Variants in LIMK1 observed in about 807,000 individuals in gnomAD.
LIMK1 encodes LIM domain kinase 1, also known as LIM motif-containing protein kinase.
A neutral mutation model predicts 77.6 loss-of-function variants in LIMK1; 21 were observed. The observed-to-expected ratio is 0.27, with a 90% CI of 0.19 to 0.39. LIMK1 has a LOEUF of 0.39. Ranked by LOEUF, LIMK1 falls within the 10% of genes least tolerant of loss-of-function variation. The pLI is 1.00. For synonymous variants in LIMK1, 358 were observed against 370.0 expected (o/e 0.97, Z 0.37); for missense variants, 696 against 901.6 (o/e 0.77, Z 2.92).
Position 74,107,193 on chromosome 7 carries a change from G to A in LIMK1, c.1065G>A (p.Lys355=), listed in dbSNP as rs1554697807. The A allele has an allele frequency of 6.2e-7, 1 of 1,606,264 alleles. No individual in the cohort carries two copies. Among genetic ancestry groups the A allele is most frequent in the African/African-American group, 1.3e-5 (1 of 75,016 alleles). Residue 355 remains lysine, a splice_region_variant and synonymous_variant, in exon 8 of 16, where the codon AAG becomes AAA. Transcript: ENST00000336180. ...LGKGCFGQAI[K]VTHRETGEVM... ...AGGGCTGCTTCGGCCAGGCTATCAAGGTACAGAGCATGCCAGGGTCTCAGG... is the reference window on the plus strand; with the variant it reads ...AGGGCTGCTTCGGCCAGGCTATCAAAGTACAGAGCATGCCAGGGTCTCAGG...
At position 74,121,430 on chromosome 7, in the gene LIMK1, T is replaced by G. The variant is rs569869651; in HGVS notation, c.*129T>G. ...TTCTCCTCAGAGCCAGGCCCTGACTTGCCTTCTCCCACCCCGTGGACCGCT... is the reference window on the plus strand; with the variant it reads ...TTCTCCTCAGAGCCAGGCCCTGACTGGCCTTCTCCCACCCCGTGGACCGCT... On this transcript the variant is annotated 3_prime_UTR_variant, in exon 16 of 16. Coordinates refer to ENST00000336180, the MANE Select transcript of LIMK1 (RefSeq NM_002314.4). 3 of 979,908 alleles carry G rather than the reference T, an allele frequency of 3.1e-6. No individual in the cohort carries two copies. The highest frequency in any genetic ancestry group is 4.4e-6 in the Non-Finnish European group (3 of 685,978). The allele number at this position is 979,908 out of a possible 1,614,324, so 60.7% of individuals were successfully genotyped here.
In LIMK1 at chr7:74,107,949, C is replaced by A. The variant is rs542387791; in HGVS notation, c.1144C>A (p.Leu382Ile). 6.4e-7 allele frequency: 1 copy of A among 1,564,440 alleles called. No individual in the cohort carries two copies. The change falls in exon 9 of 16, where the codon CTC becomes ATC. Residue 382 changes from leucine (L) to isoleucine (I), a missense_variant. Coordinates refer to ENST00000336180, the MANE Select transcript of LIMK1 (RefSeq NM_002314.4). ...RFDEETQRTF[L>I]KEVKVMRCLE... ...CGACGAGGAGACCCAGAGGACGTTC[C>A]TCAAGGAGGTCAGTGAGCGGAATGC... is the stretch of plus-strand genomic sequence containing the variant.
chr7:74,093,403 A>G, intron 2 of LIMK1: 1 of 1,371,042 alleles, frequency 7.3e-7, no homozygotes, highest in Non-Finnish European at 9.9e-7. Flanking sequence ...GCTCTGGGGC[A>G]GAACTGAAAC....
At chr7:74,104,331 A>C (rs1554697029) in intron 5 of LIMK1, among the ~76,000 whole-genome samples, 1 of 151,744 alleles carries the variant, frequency 6.6e-6, no homozygotes, top group African/African-American at 2.4e-5. Flanking sequence ...TTCCCTAAAA[A>C]GCTTTTATGA....
Position 74,117,127 on chromosome 7 carries a change from C to T in LIMK1, c.1567+1169C>T, listed in dbSNP as rs540552128. 9.2e-3 allele frequency among the ~76,000 whole-genome samples: 1,397 copies of T among 152,052 alleles called. 6 individuals carry two copies. Among genetic ancestry groups the T allele is most frequent in the Middle Eastern group, 0.02 (6 of 294 alleles). ...CGATCTCCTGACCTCGTGATCCGCC[C>T]GTCTCGGCCTCCCAAAGTGCTGGGA... On this transcript the variant is annotated intron_variant, in intron 13 of 15. Coordinates refer to ENST00000336180, the MANE Select transcript of LIMK1 (RefSeq NM_002314.4).
intron 5 of LIMK1, among the ~76,000 whole-genome samples, chr7:74,102,416 G>A (rs1799479842): frequency 6.7e-6 from 1 of 148,528 alleles, no homozygotes; most frequent in Admixed American, 6.9e-5. Flanking sequence ...TGATCGTTTG[G>A]GAGTAAGTTG....
At chr7:74,093,927 G>GCAGGGGCAGGGA (rs1554695152) in intron 2 of LIMK1, 5 of 152,730 alleles carry the variant, frequency 3.3e-5, no homozygotes, top group Middle Eastern at 3.4e-3. Flanking sequence ...CGGGGCAGGG[G>GCAGGGGCAGGGA]CAGGGACAGG....
rs1799798022 is a variant in LIMK1 at position 74,115,853 on chromosome 7, G to A, written c.1462G>A (p.Glu488Lys). The A allele has an allele frequency of 6.2e-6, 10 of 1,614,068 alleles. No individual in the cohort carries two copies. In the East Asian group the frequency reaches 6.7e-5, roughly 11 times the overall value. ...CGGGCTGGCGCGTCTCATGGTGGAC[G>A]AGAAGACTCAGCCTGAGGGCCTGCG... ...DFGLARLMVD[E>K]KTQPEGLRSL... The change falls in exon 13 of 16, where the codon GAG becomes AAG. Residue 488 changes from glutamate to lysine, a missense_variant. This residue lies in a region of LIMK1 where 438 missense variants were observed against 602.3 expected (regional missense o/e 0.73). Coordinates refer to ENST00000336180, the MANE Select transcript of LIMK1 (RefSeq NM_002314.4).
chr7:74,098,993 C>T (rs782331918), intron 4 of LIMK1, 39 bp from the exon 5 acceptor site: 3 of 1,545,336 alleles, frequency 1.9e-6, no homozygotes, highest in South Asian at 1.1e-5. Context: ...TGATGACGCC[C>T]TTGACACTCT....
Position 74,099,136 on chromosome 7 carries a change from C to T in LIMK1, c.506C>T (p.Pro169Leu). The change falls in exon 5 of 16, where the codon CCA becomes CTA. Residue 169 changes from proline (P) to leucine (L), a missense_variant. By Grantham distance (98) the Pro-to-Leu change is moderately conservative (BLOSUM62 -3). Around this residue, in one of 3 missense-constraint regions of LIMK1, gnomAD observed 252 missense variants for 279.4 expected, o/e 0.90. Transcript: ENST00000336180. ...LPHTVTLVSIPASSHGKRGLS... is the reference protein window; with the variant it reads ...LPHTVTLVSILASSHGKRGLS... Reference sequence around the variant, plus strand: ...CACACCGTCACCCTGGTGTCCATCCCAGCCTCATCTCATGGCAAGCGTGGA... The same window carrying T: ...CACACCGTCACCCTGGTGTCCATCCTAGCCTCATCTCATGGCAAGCGTGGA... The T allele has an allele frequency of 1.2e-6, 2 of 1,613,810 alleles. No homozygotes were observed. The highest frequency in any genetic ancestry group is 1.1e-5 in the South Asian group (1 of 91,090).
At chr7:74,120,816 T>C (rs1364458956) in intron 14 of LIMK1, 76 bp from the exon 15 acceptor site, 1 of 1,598,480 alleles carries the variant, frequency 6.3e-7, no homozygotes, top group African/African-American at 1.3e-5. Flanking sequence ...CCACCTGCCC[T>C]CAAACCACCT....
chr7:74,090,966 T>C (rs957822913), intron 2 of LIMK1, among the ~76,000 whole-genome samples: 2 of 151,998 alleles, frequency 1.3e-5, no homozygotes, highest in South Asian at 2.1e-4. Flanking sequence ...CAGGCTGGAG[T>C]GCGGTGGCGC....
At chr7:74,108,167 G>A (rs563979913) in intron 9 of LIMK1, among the ~76,000 whole-genome samples, 6 of 151,764 alleles carry the variant, frequency 4.0e-5, no homozygotes, top group South Asian at 4.2e-4. Flanking sequence ...GCAAGACCCC[G>A]TCTCTACAAA....
intron 1 of LIMK1, among the ~76,000 whole-genome samples, chr7:74,085,315 T>A (rs1315534797): frequency 1.3e-5 from 2 of 152,154 alleles, no homozygotes; most frequent in Non-Finnish European, 2.9e-5. Context: ...GATGCACTAA[T>A]CCAGCCCTGT....
At chr7:74,107,474 T>C (rs2115711405) in intron 8 of LIMK1, among the ~76,000 whole-genome samples, 1 of 152,248 alleles carries the variant, frequency 6.6e-6, no homozygotes, top group Non-Finnish European at 1.5e-5. Flanking sequence ...GGCTGTAGGA[T>C]CGCTTGAGCC....
rs1799126106 is a variant in LIMK1, at chr7:74,085,799, A to G, written c.107A>G (p.Gln36Arg). Residue 36 changes from glutamine (Q) to arginine (R), a missense_variant, in exon 2 of 16, where the codon CAG (glutamine) becomes CGG (arginine). Coordinates refer to ENST00000336180, the MANE Select transcript of LIMK1 (RefSeq NM_002314.4). ...ASCGQRIYDG[Q>R]YLQALNADWH... ...TGCGGCCAGAGGATCTATGATGGCC[A>G]GTACCTCCAGGCCCTGAACGCGGAC... 3 of 1,564,306 alleles carry G rather than the reference A, an allele frequency of 1.9e-6. No homozygotes were observed. The highest frequency in any genetic ancestry group is 1.9e-5 in the Admixed American group (1 of 53,190).
chr7:74,097,151 G>A lies in LIMK1; in HGVS notation c.363G>A (p.Gly121=), dbSNP rs114806481. The stretch of plus-strand genomic sequence containing the variant: ...CGTGTGGGACCTTTATCGGTGACGG[G>A]GACACCTACACGCTGGTGGAGCACT... The part of the protein sequence containing the change: ...CLTCGTFIGD[G]DTYTLVEHSK... The change falls in exon 4 of 16, where the codon GGG becomes GGA. Residue 121 remains glycine, a synonymous_variant. Transcript: ENST00000336180. The A allele has an allele frequency of 1.9e-6, 3 of 1,613,186 alleles. No homozygotes were observed. The South Asian group carries it at 3.3e-5, about 18-fold the overall frequency.
chr7:74,118,924 T>C (rs1799875621), intron 13 of LIMK1, among the ~76,000 whole-genome samples: 1 of 152,108 alleles, frequency 6.6e-6, no homozygotes, highest in Admixed American at 6.6e-5. Flanking sequence ...TGAGACCGAG[T>C]CTTGCTCTGT....
At chr7:74,112,081 T>A in intron 12 of LIMK1, 83 bp downstream of exon 12, 3 of 1,092,672 alleles carry the variant, frequency 2.7e-6, no homozygotes, top group Non-Finnish European at 2.7e-6. Flanking sequence ...TTCCCAGAAC[T>A]GGAGGCCCCT....
Sources: gnomAD v4.1 joint callset for allele counts (sites outside exome capture counted in the v4.1 genomes callset) on GRCh38, gnomAD v4.1.1 for gene constraint, gnomAD v4.1.1 regional missense constraint, MANE v1.5 for transcripts, NCBI Gene and HGNC (gene_info 2026-07-23, HGNC 2026-07-21) for gene names.